NELL2: variants seen among roughly 807,000 people sequenced by gnomAD.
NELL2 encodes the protein protein kinase C-binding protein NELL2.
NELL2 carries 41 observed loss-of-function variants against 109.6 expected under a neutral mutation model. The observed-to-expected ratio is 0.37, with a 90% CI of 0.29 to 0.49. NELL2 has a LOEUF of 0.49. Among genes scored for constraint, NELL2 ranks in the 20% least tolerant of loss-of-function variants. The pLI is 0.98. For synonymous variants in NELL2, 355 were observed against 344.7 expected (o/e 1.03, Z -0.33); for missense variants, 900 against 1,008.3 (o/e 0.89, Z 1.45).
At chr12:44,709,460 G>A (rs1049461597) in intron 11 of NELL2, among the ~76,000 whole-genome samples, 1 of 152,126 alleles carries the variant, frequency 6.6e-6, no homozygotes, top group Non-Finnish European at 1.5e-5. Context: ...GAACCTCTCA[G>A]CCAAGCCCGG....
intron 1 of NELL2, among the ~76,000 whole-genome samples, chr12:44,896,053 C>T (rs377657823): frequency 2.0e-4 from 30 of 152,072 alleles, no homozygotes; most frequent in East Asian, 1.9e-3. Context: ...AGCAAGAGTC[C>T]GAGATTTCCA....
At chr12:44,846,190 A>G (rs71459269) in intron 2 of NELL2, among the ~76,000 whole-genome samples, 11,368 of 152,328 alleles carry the variant, frequency 0.075, 553 homozygotes, top group Admixed American at 0.12. Context: ...AAATGTTCAC[A>G]TAGCATCTGT....
intron 1 of NELL2, among the ~76,000 whole-genome samples, chr12:44,919,543 G>A (rs1760573552): frequency 6.6e-6 from 1 of 152,142 alleles, no homozygotes; most frequent in Non-Finnish European, 1.5e-5. Context: ...AATCCAATGT[G>A]ACAGTGTCCT....
chr12:44,517,439 G>T (rs1208552940), intron 19 of NELL2, among the ~76,000 whole-genome samples: 1 of 146,222 alleles, frequency 6.8e-6, no homozygotes, highest in Non-Finnish European at 1.5e-5. Context: ...CTCTTGCCAT[G>T]TGAAATGCCT....
At chr12:44,735,550 T>C (rs1468449366) in intron 9 of NELL2, among the ~76,000 whole-genome samples, 1 of 152,218 alleles carries the variant, frequency 6.6e-6, no homozygotes, top group Non-Finnish European at 1.5e-5. Context: ...GATGAGGGTC[T>C]GTTGAATGCT....
chr12:44,583,998 T>C (rs902773988), intron 15 of NELL2, among the ~76,000 whole-genome samples: 4 of 152,186 alleles, frequency 2.6e-5, no homozygotes, highest in Middle Eastern at 3.2e-3. Flanking sequence ...GGCCTCGAAC[T>C]CCTGAGCTCA....
At chr12:44,815,825 G>C (rs1943326581) in intron 3 of NELL2, 161 bp downstream of exon 3, 1 of 646,078 alleles carries the variant, frequency 1.5e-6, no homozygotes, top group African/African-American at 1.9e-5. Flanking sequence ...CACCATATTG[G>C]TCAGGCTGGT....
intron 2 of NELL2, among the ~76,000 whole-genome samples, chr12:44,841,784 G>A (rs1302173583): frequency 2.0e-5 from 3 of 151,958 alleles, no homozygotes; most frequent in South Asian, 2.1e-4. Flanking sequence ...ACTGGATTAC[G>A]ACCATCCAGA....
intron 15 of NELL2, among the ~76,000 whole-genome samples, chr12:44,569,949 A>C (rs185131636): frequency 2.5e-4 from 37 of 150,678 alleles, no homozygotes; most frequent in African/African-American, 8.8e-4. Context: ...TTAACACAGC[A>C]GATAAGTTCT....
At chr12:44,784,324 GAAAAGA>G (rs1254348479) in intron 3 of NELL2, among the ~76,000 whole-genome samples, 1 of 149,758 alleles carries the variant, frequency 6.7e-6, no homozygotes, top group Non-Finnish European at 1.5e-5. Flanking sequence ...AATAAGAAGA[GAAAAGA>G]AAAGAAAAAG....
chr12:44,618,060 T>C (rs1395433126), intron 13 of NELL2, among the ~76,000 whole-genome samples: 1 of 152,200 alleles, frequency 6.6e-6, no homozygotes, highest in Non-Finnish European at 1.5e-5. Flanking sequence ...ATTACCTTAT[T>C]TACTCACTTT....
At chr12:44,825,686 G>A (rs537320008) in intron 2 of NELL2, among the ~76,000 whole-genome samples, 11 of 148,950 alleles carry the variant, frequency 7.4e-5, no homozygotes, top group African/African-American at 2.7e-4. Context: ...ATGAGCCACC[G>A]CACCCAGCCT....
At chr12:44,632,996 G>T (rs1047794375) in intron 13 of NELL2, among the ~76,000 whole-genome samples, 1 of 151,940 alleles carries the variant, frequency 6.6e-6, no homozygotes, top group East Asian at 1.9e-4. Flanking sequence ...CCAAAATAGG[G>T]AGAATAGAAA....
upstream of NELL2, chr12:44,876,630 T>C: frequency 1.3e-6 from 2 of 1,551,136 alleles, no homozygotes; most frequent in Non-Finnish European, 1.7e-6. Context: ...GCGCGTGTCT[T>C]GAAAGACAGG....
intron 13 of NELL2, among the ~76,000 whole-genome samples, chr12:44,639,025 T>C (rs184605302): frequency 8.5e-5 from 13 of 152,290 alleles, no homozygotes; most frequent in African/African-American, 3.1e-4. Flanking sequence ...TATTGAGATA[T>C]TTTAAATCTT....
intron 15 of NELL2, among the ~76,000 whole-genome samples, chr12:44,541,563 CA>C (rs1331830444): frequency 1.3e-5 from 2 of 151,962 alleles, no homozygotes; most frequent in African/African-American, 4.8e-5. Flanking sequence ...CAAAGAGCAC[CA>C]ACCCAAAATC....
At chr12:44,600,125 C>CTAAT (rs1555183506) in intron 15 of NELL2, among the ~76,000 whole-genome samples, 135 of 133,622 alleles carry the variant, frequency 1.0e-3, no homozygotes, top group Admixed American at 1.6e-3. Context: ...GCACGCCCGG[C>CTAAT]TAATTTATTT....
intron 15 of NELL2, among the ~76,000 whole-genome samples, chr12:44,560,689 T>C (rs1403161236): frequency 6.6e-6 from 1 of 152,198 alleles, no homozygotes; most frequent in Non-Finnish European, 1.5e-5. Context: ...TAGTAATTAA[T>C]AGCCTACCAA....
At chr12:44,562,395 G>T (rs1014873851) in intron 15 of NELL2, among the ~76,000 whole-genome samples, 1 of 152,016 alleles carries the variant, frequency 6.6e-6, no homozygotes, top group Non-Finnish European at 1.5e-5. Flanking sequence ...CAGAATGGGA[G>T]AAAATCTTTG....
Sources: gnomAD v4.1 joint callset for allele counts (sites outside exome capture counted in the v4.1 genomes callset) on GRCh38, gnomAD v4.1.1 for gene constraint, MANE v1.5 for transcripts, NCBI Gene and HGNC (gene_info 2026-07-23, HGNC 2026-07-21) for gene names.